The following MTDH variants were observed in gnomAD, a reference collection of about 807,000 sequenced individuals.
MTDH encodes metadherin.
MTDH carries 34 observed loss-of-function variants against 72.7 expected under a neutral mutation model. The observed-to-expected ratio is 0.47, with a 90% CI of 0.36 to 0.62. The LOEUF (loss-of-function observed/expected upper bound fraction) is 0.62. Ranked by LOEUF, MTDH falls within the 20% of genes least tolerant of loss-of-function variation. The pLI, the probability that MTDH is intolerant of heterozygous loss-of-function variation, is 0.00. For missense variants in MTDH, 677 were observed against 699.4 expected, an observed-to-expected ratio of 0.97 and a Z score of 0.36; for synonymous variants, 266 against 268.9, an observed-to-expected ratio of 0.99 and a Z score of 0.10.
chr8:97,723,716 C>T lies in MTDH; in HGVS notation c.1678+681C>T, dbSNP rs183948218. Among the ~76,000 whole-genome samples, 8 of 151,836 alleles carry T rather than the reference C, an allele frequency of 5.3e-5. No homozygotes were observed. The East Asian group carries it at 1.5e-3, about 29-fold the overall frequency. ...CGAGATCATGCCACTGCACTCCAAC[C>T]TGGGCGACAGAGCAAGACTCTGTCT... is the stretch of plus-strand genomic sequence containing the variant. On this transcript the variant is annotated intron_variant, in intron 11 of 11. Coordinates refer to ENST00000336273, the MANE Select transcript of MTDH (RefSeq NM_178812.4).
chr8:97,649,949 A>ATTTCT (rs752818540), intron 1 of MTDH, among the ~76,000 whole-genome samples: 17 of 143,428 alleles, frequency 1.2e-4, no homozygotes, highest in East Asian at 2.2e-4. Context: ...CTCTCTACCA[A>ATTTCT]TTTCTTTTCT....
chr8:97,701,529 A>G (rs367837022), intron 7 of MTDH, among the ~76,000 whole-genome samples: 1 of 152,324 alleles, frequency 6.6e-6, no homozygotes, highest in East Asian at 1.9e-4. Context: ...CTGACTGTGT[A>G]TGAAGTATTT....
At chr8:97,670,961 T>G (rs1410556184) in intron 2 of MTDH, among the ~76,000 whole-genome samples, 6 of 137,082 alleles carry the variant, frequency 4.4e-5, no homozygotes, top group East Asian at 2.1e-4. Flanking sequence ...TGTTTTTTTT[T>G]TTTTTTTTTT....
rs1278901878 is a variant in MTDH, at chr8:97,689,018, T to C, written c.746-20T>C. On this transcript the variant is annotated intron_variant, in intron 4 of 11. Coordinates refer to ENST00000336273, the MANE Select transcript of MTDH (RefSeq NM_178812.4). The stretch of plus-strand genomic sequence containing the variant: ...GTGCCCTATTTAGTATTAAATAAAT[T>C]TTATTTCTATTTTAACCAGGTGATT... 1 of 1,398,044 alleles carries C rather than the reference T, an allele frequency of 7.2e-7. No homozygotes were observed. The highest frequency in any genetic ancestry group is 1.8e-5 in the Admixed American group (1 of 54,098). The allele number at this position is 1,398,044 out of a possible 1,614,324, so 86.6% of individuals were successfully genotyped here. A position where few individuals can be genotyped will look rare whatever the true frequency, so the allele number is the denominator to read the frequency against.
At chr8:97,664,619 G>A (rs2438215) in intron 2 of MTDH, among the ~76,000 whole-genome samples, 61,951 of 152,008 alleles carry the variant, frequency 0.41, 13,538 homozygotes, top group East Asian at 0.63. Context: ...AGGTCTAGGT[G>A]ACTCAGTTAA....
intron 4 of MTDH, among the ~76,000 whole-genome samples, chr8:97,688,171 G>C (rs1404979739): frequency 6.6e-6 from 1 of 152,066 alleles, no homozygotes; most frequent in East Asian, 1.9e-4. Flanking sequence ...GTGGCTTCTT[G>C]GTAGCCCACT....
intron 6 of MTDH, among the ~76,000 whole-genome samples, chr8:97,692,081 A>G (rs1193451614): frequency 6.6e-6 from 1 of 152,178 alleles, no homozygotes; most frequent in African/African-American, 2.4e-5. Context: ...GGGTTTTGCC[A>G]TGTTGGCGAG....
At chr8:97,682,263 TATATATATATATATATA>T (rs1463750118) in intron 2 of MTDH, among the ~76,000 whole-genome samples, 27 of 7,892 alleles carry the variant, frequency 3.4e-3, no homozygotes, top group African/African-American at 7.6e-3. Context: ...TATATATATA[TATATATATATATATATA>T]TTTTTTTTTT....
At chr8:97,672,097 T>C (rs1812647821) in intron 2 of MTDH, among the ~76,000 whole-genome samples, 1 of 152,218 alleles carries the variant, frequency 6.6e-6, no homozygotes, top group Non-Finnish European at 1.5e-5. Flanking sequence ...TCTTAGAAAC[T>C]ATAGTTTAAA....
rs140658817 is a variant in MTDH at position 97,713,015 on chromosome 8, A to G, written c.1273-647A>G. Among the ~76,000 whole-genome samples, 231 of 152,338 alleles carry G rather than the reference A, an allele frequency of 1.5e-3. 1 individual carries two copies. Among genetic ancestry groups the G allele is most frequent in the African/African-American group, 5.3e-3 (221 of 41,580 alleles). ...CAGGGTCAAATAAATTTTAACGCAA[A>G]TTGCACTACATTTGAACTTCAAAAT... On this transcript the variant is annotated intron_variant, in intron 8 of 11. Coordinates refer to ENST00000336273, the MANE Select transcript of MTDH (RefSeq NM_178812.4).
At chr8:97,709,375 T>A (rs748122389) in intron 8 of MTDH, among the ~76,000 whole-genome samples, 4 of 152,154 alleles carry the variant, frequency 2.6e-5, no homozygotes, top group Non-Finnish European at 2.9e-5. Context: ...TAATACATAG[T>A]GATCATTCAC....
intron 2 of MTDH, among the ~76,000 whole-genome samples, chr8:97,678,678 A>C (rs113655231): frequency 4.2e-5 from 6 of 144,140 alleles, no homozygotes; most frequent in Admixed American, 2.2e-4. Flanking sequence ...GCCTCAAACA[A>C]TCCTCCCACC....
intron 2 of MTDH, among the ~76,000 whole-genome samples, chr8:97,670,952 GTTTTTTTTTTTTT>G (rs1160758851): frequency 1.3e-5 from 1 of 77,976 alleles, no homozygotes; most frequent in East Asian, 4.8e-4. Flanking sequence ...TGTTGTTGTT[GTTTTTTTTTTTTT>G]TTTTTTTTTT....
At chr8:97,698,798 TG>T (rs1813981353) in intron 6 of MTDH, among the ~76,000 whole-genome samples, 1 of 152,236 alleles carries the variant, frequency 6.6e-6, no homozygotes, top group African/African-American at 2.4e-5. Context: ...AGATTTCTAT[TG>T]TGTTTTATTT....
chr8:97,649,137 G>GTA (rs1430298824), intron 1 of MTDH, among the ~76,000 whole-genome samples: 3 of 152,186 alleles, frequency 2.0e-5, no homozygotes, highest in Admixed American at 6.5e-5. Flanking sequence ...GTTTGTGTCA[G>GTA]TATACTATGT....
rs1288699463 is a variant in MTDH, at chr8:97,729,685, CAG to C, written c.*5018_*5019del. ...TTTGTTTTTTGTTTTTTTCTAGAGA[CAG>C]AGTCTCGTTGCCCAGGCTGGTCTCC... is the stretch of plus-strand genomic sequence containing the variant. On this transcript the variant is annotated 3_prime_UTR_variant, in exon 12 of 12. Transcript: ENST00000336273. Among the ~76,000 whole-genome samples the C allele has an allele frequency of 5.9e-5, 9 of 152,186 alleles. No individual in the cohort carries two copies. Among genetic ancestry groups the C allele is most frequent in the Non-Finnish European group, 1.0e-4 (7 of 68,004 alleles).
chr8:97,706,554 G>A, intron 7 of MTDH, 72 bp from the exon 8 acceptor site: 1 of 1,409,166 alleles, frequency 7.1e-7, no homozygotes, highest in Non-Finnish European at 9.4e-7. Flanking sequence ...TTGAACATAA[G>A]GAATTTTTAG....
chr8:97,691,859 G>T (rs1813621235), intron 6 of MTDH, among the ~76,000 whole-genome samples: 1 of 151,260 alleles, frequency 6.6e-6, no homozygotes, highest in African/African-American at 2.4e-5. Context: ...TGTATATAGT[G>T]TTTTTTGTTG....
chr8:97,674,536 A>G (rs551110557), intron 2 of MTDH, among the ~76,000 whole-genome samples: 1 of 152,362 alleles, frequency 6.6e-6, no homozygotes, highest in South Asian at 2.1e-4. Flanking sequence ...CAAGTGAGAA[A>G]AATAAATAGT....
Sources: allele counts gnomAD v4.1 joint callset (sites outside exome capture counted in the v4.1 genomes callset), GRCh38; gene constraint gnomAD v4.1.1; transcripts MANE v1.5; gene names NCBI Gene and HGNC (gene_info 2026-07-23, HGNC 2026-07-21).